The following CACNB1 variants were observed in gnomAD, a reference collection of about 807,000 sequenced individuals.
The protein encoded by CACNB1 is calcium voltage-gated channel auxiliary subunit beta 1.
A neutral mutation model predicts 71.6 loss-of-function variants in CACNB1; 29 were observed. That is an observed-to-expected ratio of 0.40 (90% CI 0.30 to 0.55). The LOEUF (loss-of-function observed/expected upper bound fraction) is 0.55, where lower values mean the gene tolerates loss of function less well. Among genes scored for constraint, CACNB1 ranks in the 20% least tolerant of loss-of-function variants. The probability of loss-of-function intolerance (pLI) is 0.38; values close to 1 mark genes in which losing one functional copy is unlikely to be tolerated. For synonymous variants in CACNB1, 300 were observed against 319.6 expected, an observed-to-expected ratio of 0.94 and a Z score of 0.65; for missense variants, 623 against 801.8, an observed-to-expected ratio of 0.78 and a Z score of 2.69.
intron 11 of CACNB1, 49 bp from the exon 12 acceptor site, chr17:39,178,128 A>C (rs762338847): frequency 1.4e-6 from 2 of 1,384,000 alleles, no homozygotes; most frequent in Admixed American, 3.4e-5. Flanking sequence ...GACTCAGGCA[A>C]TGCACCCAGT....
rs963661066 is a variant in CACNB1, at chr17:39,177,064, T to G, written c.1332+286A>C. The G allele has an allele frequency of 1.1e-5, 15 of 1,358,552 alleles. No homozygotes were observed. The African/African-American group carries it at 1.6e-4, about 15-fold the overall frequency. The allele number at this position is 1,358,552 out of a possible 1,614,324, so 84.2% of individuals were successfully genotyped here. ...CATATCCAGCGGGCAGCAGATGCGCTCCTATGGCACCAGGCCCAGGAAGAC... is the reference window on the plus strand; with the variant it reads ...CATATCCAGCGGGCAGCAGATGCGCGCCTATGGCACCAGGCCCAGGAAGAC... On this transcript the variant is annotated intron_variant, in intron 13 of 13. Coordinates refer to ENST00000394303, the MANE Select transcript of CACNB1 (RefSeq NM_000723.5).
chr17:39,186,129 G>A lies in CACNB1; in HGVS notation c.628+367C>T, dbSNP rs1368592624. On this transcript the variant is annotated intron_variant, in intron 6 of 13. Coordinates refer to ENST00000394303, the MANE Select transcript of CACNB1 (RefSeq NM_000723.5). This position sits in a 1 kb window ranked among gnomAD's most constrained non-coding sequence, Gnocchi z 4.1. Reference sequence around the variant, plus strand: ...CCTGGACCGGAGAGTCAGGAGAGAGGGAGGAGGGAGGCGAGGTGGGGAGAA... The same window carrying A: ...CCTGGACCGGAGAGTCAGGAGAGAGAGAGGAGGGAGGCGAGGTGGGGAGAA... The A allele has an allele frequency of 3.1e-6, 5 of 1,607,938 alleles. No homozygotes were observed. The highest frequency in any genetic ancestry group is 4.3e-6 in the Non-Finnish European group (5 of 1,175,250).
Position 39,177,399 on chromosome 17 carries a change from A to G in CACNB1, c.1283T>C (p.Met428Thr), listed in dbSNP as rs761633356. 65 of 1,613,472 alleles carry G rather than the reference A, an allele frequency of 4.0e-5. No homozygotes were observed. In the African/African-American group the frequency reaches 6.9e-4, roughly 17 times the overall value. Residue 428 changes from methionine (M) to threonine (T), a missense_variant, in exon 13 of 14, where the codon ATG becomes ACG. Transcript: ENST00000394303. ...TPPNPLLNRT[M>T]ATAALAASPA... is the part of the protein sequence containing the mutation. ...GCTGGCAGCCAGGGCTGCGGTAGCC[A>G]TGGTGCGGTTCAGCAGCGGATTGGG...
At chr17:39,181,755 G>A (rs191179959) in intron 11 of CACNB1, among the ~76,000 whole-genome samples, 5 of 152,210 alleles carry the variant, frequency 3.3e-5, no homozygotes, top group East Asian at 3.9e-4. Flanking sequence ...GGTGGCTCAC[G>A]CCTGTAATCC....
intron 6 of CACNB1, among the ~76,000 whole-genome samples, chr17:39,185,564 C>CCCG: frequency 6.6e-6 from 1 of 152,128 alleles, no homozygotes; most frequent in Non-Finnish European, 1.5e-5. Context: ...CAGCCCCCCC[C>CCCG]CACTATGTGC....
At chr17:39,185,296 TGACA>T in intron 6 of CACNB1, 146 bp from the exon 7 acceptor site, 2 of 720,892 alleles carry the variant, frequency 2.8e-6, no homozygotes, top group Non-Finnish European at 5.1e-6. Context: ...TGCGTGTTAG[TGACA>T]GACAGAGCCA....
At chr17:39,187,739 T>C in intron 3 of CACNB1, 138 bp from the exon 4 acceptor site, 2 of 1,037,578 alleles carry the variant, frequency 1.9e-6, no homozygotes, top group Non-Finnish European at 2.9e-6. Flanking sequence ...ATGGGCAGGG[T>C]GTGGTGGCTC....
At chr17:39,182,876 A>G (rs749220783) in intron 11 of CACNB1, 1 of 804,142 alleles carries the variant, frequency 1.2e-6, no homozygotes, top group Non-Finnish European at 1.5e-6. Flanking sequence ...TCCAAGTTCA[A>G]TAAAAAACAA....
chr17:39,192,225 C>A (rs1385022949), intron 2 of CACNB1: 1 of 153,948 alleles, frequency 6.5e-6, no homozygotes, highest in East Asian at 1.9e-4. Context: ...CCCAAGAGTT[C>A]CAGGCTGGTA....
chr17:39,183,784 T>G lies in CACNB1; in HGVS notation c.979A>C (p.Asn327His). ...QLVALDADTI[N>H]HPAQLSKTSL... ...GTCTTGGACAGCTGGGCTGGGTGAT[T>G]GATGGTGTCAGCATCCAGAGCGACC... Residue 327 changes from asparagine (N) to histidine (H), a missense_variant, in exon 11 of 14, where the codon AAT becomes CAT. Physicochemically the swap from Asn to His is moderately conservative, Grantham distance 68 (BLOSUM62 1). Transcript: ENST00000394303. 1 of 1,613,958 alleles carries G rather than the reference T, an allele frequency of 6.2e-7. No homozygotes were observed. The highest frequency in any genetic ancestry group is 8.5e-7 in the Non-Finnish European group (1 of 1,179,940).
chr17:39,190,321 T>G (rs559512566), intron 3 of CACNB1, among the ~76,000 whole-genome samples: 1 of 152,180 alleles, frequency 6.6e-6, no homozygotes, highest in Non-Finnish European at 1.5e-5. Flanking sequence ...CTCGGGAGGC[T>G]GAGATGGGAG....
At chr17:39,191,150 G>A (rs1444093718) in intron 3 of CACNB1, among the ~76,000 whole-genome samples, 3 of 152,244 alleles carry the variant, frequency 2.0e-5, no homozygotes, top group Non-Finnish European at 2.9e-5. Flanking sequence ...CTTGCAGTGA[G>A]CCGAGATCAT....
intron 8 of CACNB1, 68 bp downstream of exon 8, chr17:39,184,716 G>A (rs1468014560): frequency 1.8e-6 from 2 of 1,125,944 alleles, no homozygotes; most frequent in Non-Finnish European, 2.7e-6. Context: ...CCCTTCTAGG[G>A]GATCTCTCTG....
chr17:39,196,588 G>C (rs372348571), intron 1 of CACNB1, among the ~76,000 whole-genome samples: 15 of 152,032 alleles, frequency 9.9e-5, no homozygotes, highest in African/African-American at 3.4e-4. Flanking sequence ...CCCCTGGCGC[G>C]ACCATCCCAG....
intron 6 of CACNB1, 24 bp from the exon 7 acceptor site, chr17:39,185,174 A>G: frequency 6.2e-7 from 1 of 1,610,510 alleles, no homozygotes; most frequent in Non-Finnish European, 8.5e-7. Context: ...TTGCCAAGAG[A>G]GGGAAGGGGG....
chr17:39,187,625 A>C (rs201468321), intron 3 of CACNB1, 24 bp from the exon 4 acceptor site: 13 of 1,613,856 alleles, frequency 8.1e-6, no homozygotes, highest in Non-Finnish European at 1.1e-5. Context: ...ACAGGGGAGG[A>C]TGGCAACTAG....
intron 11 of CACNB1, among the ~76,000 whole-genome samples, chr17:39,183,391 T>C (rs139020004): frequency 1.3e-3 from 186 of 148,384 alleles, no homozygotes; most frequent in African/African-American, 4.2e-3. Context: ...AACTGCCAAG[T>C]AGCTGGGTGG....
At chr17:39,193,358 C>A in intron 2 of CACNB1, 2 of 379,544 alleles carry the variant, frequency 5.3e-6, no homozygotes, top group African/African-American at 2.2e-5. Flanking sequence ...AGTGAGGAGG[C>A]ATGGAGACAC....
chr17:39,184,640 A>G lies in CACNB1; in HGVS notation c.729+144T>C. The stretch of plus-strand genomic sequence containing the variant: ...CTCCTCTGAGTGGGTCTTTCTGTGG[A>G]TTGGGCCCCCTGGGGGTTGTCTCTG... On this transcript the variant is annotated intron_variant, in intron 8 of 13. Transcript: ENST00000394303. The G allele has an allele frequency of 1.9e-5, 13 of 667,358 alleles. No individual in the cohort carries two copies. The South Asian group carries it at 2.2e-4, about 11-fold the overall frequency. 41.3% of individuals were successfully genotyped at this position (667,358 alleles called of 1,614,324 possible). A position where few individuals can be genotyped will look rare whatever the true frequency, so the allele number is the denominator to read the frequency against.
Sources: allele counts gnomAD v4.1 joint callset (sites outside exome capture counted in the v4.1 genomes callset), GRCh38; gene constraint gnomAD v4.1.1; non-coding constraint Gnocchi (gnomAD v3.1); transcripts MANE v1.5; gene names NCBI Gene and HGNC (gene_info 2026-07-23, HGNC 2026-07-21).